GRM5: variants seen among roughly 807,000 people sequenced by gnomAD.
GRM5 encodes the protein glutamate metabotropic receptor 5.
In GRM5, 19 loss-of-function variants were observed where a neutral mutation model predicts 83.1. The observed-to-expected ratio is 0.23, with a 90% CI of 0.16 to 0.34. The LOEUF (loss-of-function observed/expected upper bound fraction) is 0.34. GRM5 is among the 10% of genes least tolerant of loss of function. The pLI is 1.00. For synonymous variants in GRM5, 675 were observed against 633.6 expected, an observed-to-expected ratio of 1.07 and a Z score of -0.98; for missense variants, 1,160 against 1,588.3, an observed-to-expected ratio of 0.73 and a Z score of 4.58.
chr11:88,752,408 C>T (rs565761038), intron 3 of GRM5, among the ~76,000 whole-genome samples: 6 of 152,160 alleles, frequency 3.9e-5, no homozygotes, highest in East Asian at 1.9e-4. Context: ...AAGTGAAGGA[C>T]CTCTTCAAGG....
chr11:88,645,525 G>A (rs1029858465), intron 4 of GRM5, among the ~76,000 whole-genome samples: 1 of 152,074 alleles, frequency 6.6e-6, no homozygotes, highest in African/African-American at 2.4e-5. Context: ...AATAGGAGAT[G>A]AGGCATAAAG....
chr11:88,798,360 T>C (rs1015615425), intron 3 of GRM5, among the ~76,000 whole-genome samples: 1 of 152,208 alleles, frequency 6.6e-6, no homozygotes, highest in African/African-American at 2.4e-5. Flanking sequence ...ATTTGCTATG[T>C]GTAAAGCACT....
intron 3 of GRM5, among the ~76,000 whole-genome samples, chr11:88,812,597 GA>G: frequency 6.6e-6 from 1 of 152,216 alleles, no homozygotes; most frequent in Non-Finnish European, 1.5e-5. Flanking sequence ...GTAAGTGGAA[GA>G]GACAAAAATA....
chr11:88,650,357 A>G (rs926051538), intron 4 of GRM5, among the ~76,000 whole-genome samples: 1 of 151,954 alleles, frequency 6.6e-6, no homozygotes, highest in African/African-American at 2.4e-5. Context: ...TCCAATAGAT[A>G]TTAAAAAGAT....
At chr11:88,868,846 A>G (rs1443692549) in intron 2 of GRM5, among the ~76,000 whole-genome samples, 1 of 151,794 alleles carries the variant, frequency 6.6e-6, no homozygotes, top group Non-Finnish European at 1.5e-5. Flanking sequence ...CCCTGTAATC[A>G]GGGATCTTAA....
chr11:88,632,038 T>C (rs866059498), intron 4 of GRM5, among the ~76,000 whole-genome samples: 1 of 152,094 alleles, frequency 6.6e-6, no homozygotes, highest in African/African-American at 2.4e-5. Context: ...CTGAACACTT[T>C]GATAAGTTTT....
At chr11:88,842,652 A>G (rs1944223566) in intron 3 of GRM5, among the ~76,000 whole-genome samples, 1 of 152,108 alleles carries the variant, frequency 6.6e-6, no homozygotes, top group African/African-American at 2.4e-5. Context: ...TCCCATCAAC[A>G]TCTCTGGATT....
intron 7 of GRM5, among the ~76,000 whole-genome samples, chr11:88,570,771 G>A (rs1942982203): frequency 6.6e-6 from 1 of 150,670 alleles, no homozygotes; most frequent in Non-Finnish European, 1.5e-5. Flanking sequence ...ATTTCACCAT[G>A]TTGGCCAGGC....
chr11:88,644,156 T>G (rs1939376369), intron 4 of GRM5, among the ~76,000 whole-genome samples: 1 of 152,160 alleles, frequency 6.6e-6, no homozygotes, highest in South Asian at 2.1e-4. Flanking sequence ...ATTTATGATT[T>G]TGTAACGGCA....
Position 88,505,771 on chromosome 11 carries a change from C to T in GRM5, c.*2821G>A, listed in dbSNP as rs949540354. On this transcript the variant is annotated 3_prime_UTR_variant, in exon 10 of 10. Transcript: ENST00000305447. Reference sequence around the variant, plus strand: ...CACTTTGCTGAGCCTTAGCATATCCCCTTCCTTTTAGTCATGCTGGTCCCG... The same window carrying T: ...CACTTTGCTGAGCCTTAGCATATCCTCTTCCTTTTAGTCATGCTGGTCCCG... 2.0e-5 allele frequency: 3 copies of T among 152,318 alleles called. No homozygotes were observed. In the East Asian group the frequency reaches 5.8e-4, roughly 29 times the overall value. The allele number at this position is 152,318 out of a possible 1,614,324, so 9.4% of individuals were successfully genotyped here. A position where few individuals can be genotyped will look rare whatever the true frequency, so the allele number is the denominator to read the frequency against.
At chr11:88,830,789 T>A (rs1360190646) in intron 3 of GRM5, among the ~76,000 whole-genome samples, 1 of 152,098 alleles carries the variant, frequency 6.6e-6, no homozygotes, top group Non-Finnish European at 1.5e-5. Context: ...GACTGGGCAA[T>A]TTACAAAAGG....
chr11:88,515,945 T>C (rs1257793963), intron 9 of GRM5, among the ~76,000 whole-genome samples: 5 of 152,230 alleles, frequency 3.3e-5, no homozygotes, highest in African/African-American at 1.2e-4. Flanking sequence ...TCCATTTTAA[T>C]AGAACTTTTC....
At chr11:88,604,370 A>G (rs1004602172) in intron 5 of GRM5, among the ~76,000 whole-genome samples, 1 of 152,224 alleles carries the variant, frequency 6.6e-6, no homozygotes. Flanking sequence ...TAGTTCTATT[A>G]TGCAAGAAAA....
In GRM5 at chr11:88,738,948, C is replaced by T. The variant is rs545173989; in HGVS notation, c.912-85545G>A. Among the ~76,000 whole-genome samples, 8 of 152,202 alleles carry T rather than the reference C, an allele frequency of 5.3e-5. No homozygotes were observed. The East Asian group carries it at 1.6e-3, about 29-fold the overall frequency. ...TCGCCTATCTTTACATGCTCCAATT[C>T]CAGATGTCATCCAATGTGTGGCTAA... On this transcript the variant is annotated intron_variant, in intron 3 of 9. Transcript: ENST00000305447.
chr11:88,875,060 A>C (rs1156755057), intron 2 of GRM5, among the ~76,000 whole-genome samples: 1 of 144,214 alleles, frequency 6.9e-6, no homozygotes, highest in Non-Finnish European at 1.5e-5. Context: ...AATAACAATG[A>C]AGTCTGCCAC....
In GRM5 at chr11:88,944,637, GT is replaced by G. The variant is rs76872044; in HGVS notation, c.662-94483del. 3.0e-4 allele frequency among the ~76,000 whole-genome samples: 45 copies of G among 151,788 alleles called. 1 individual carries two copies. In the East Asian group the frequency reaches 8.5e-3, roughly 29 times the overall value. ...TAACCTGTTTTTTTAAAGAAAGACA[GT>G]TGTGTGCAGCTTATAAAAAATACAC... On this transcript the variant is annotated intron_variant, in intron 2 of 9. Transcript: ENST00000305447.
chr11:88,885,758 A>G (rs1200798801), intron 2 of GRM5, among the ~76,000 whole-genome samples: 1 of 152,144 alleles, frequency 6.6e-6, no homozygotes, highest in African/African-American at 2.4e-5. Context: ...CCTCAGTCAC[A>G]CTTTTTACCT....
intron 8 of GRM5, among the ~76,000 whole-genome samples, chr11:88,543,381 G>C (rs1942314819): frequency 1.3e-5 from 2 of 152,172 alleles, no homozygotes; most frequent in African/African-American, 4.8e-5. Context: ...ATGGGTGCAA[G>C]CTGACTGCCT....
At chr11:88,685,160 C>T (rs769742031) in intron 3 of GRM5, among the ~76,000 whole-genome samples, 3 of 152,126 alleles carry the variant, frequency 2.0e-5, no homozygotes, top group Non-Finnish European at 2.9e-5. Context: ...GCGATATAGA[C>T]AAATAAGGTC....
Sources: allele counts gnomAD v4.1 joint callset (sites outside exome capture counted in the v4.1 genomes callset), GRCh38; gene constraint gnomAD v4.1.1; transcripts MANE v1.5; gene names NCBI Gene and HGNC (gene_info 2026-07-23, HGNC 2026-07-21).